SIK3: variants seen among roughly 807,000 people sequenced by gnomAD.
The protein encoded by SIK3 is SIK family kinase 3.
A neutral mutation model predicts 144.2 loss-of-function variants in SIK3; 28 were observed. That is an observed-to-expected ratio of 0.19 (90% CI 0.14 to 0.27). The LOEUF (loss-of-function observed/expected upper bound fraction) is 0.27, where lower values mean the gene tolerates loss of function less well. Among genes scored for constraint, SIK3 ranks in the 10% least tolerant of loss-of-function variants. SIK3 has a pLI of 1.00. For synonymous variants in SIK3, 686 were observed against 676.3 expected (o/e 1.01, Z -0.22); for missense variants, 1,319 against 1,776.0 (o/e 0.74, Z 4.62).
At chr11:117,075,588 CTGG>C (rs1443357033) in intron 1 of SIK3, among the ~76,000 whole-genome samples, 2 of 147,320 alleles carry the variant, frequency 1.4e-5, no homozygotes, top group East Asian at 3.9e-4. Flanking sequence ...GCTGCCCAGG[CTGG>C]AGTGCAGTGG....
chr11:117,024,222 T>C (rs981837365), intron 1 of SIK3, among the ~76,000 whole-genome samples: 7 of 152,110 alleles, frequency 4.6e-5, no homozygotes, highest in South Asian at 4.2e-4. Context: ...AAAATGTTTA[T>C]GCCTTTTCTC....
chr11:116,934,997 A>C (rs1452009065), intron 3 of SIK3, among the ~76,000 whole-genome samples: 2 of 152,198 alleles, frequency 1.3e-5, no homozygotes, highest in Admixed American at 1.3e-4. Flanking sequence ...AGGCAGGAGA[A>C]TCGCTTGAAC....
At chr11:117,088,363 G>T (rs1275786526) in intron 1 of SIK3, among the ~76,000 whole-genome samples, 1 of 152,184 alleles carries the variant, frequency 6.6e-6, no homozygotes, top group African/African-American at 2.4e-5. Flanking sequence ...TACTAGCCCA[G>T]AAAAGCTGTG....
chr11:117,048,851 C>T (rs1410218356), intron 1 of SIK3, among the ~76,000 whole-genome samples: 2 of 152,014 alleles, frequency 1.3e-5, no homozygotes, highest in Non-Finnish European at 2.9e-5. Context: ...ACCTGTAATC[C>T]CAGCACTTAG....
intron 1 of SIK3, among the ~76,000 whole-genome samples, chr11:117,011,557 T>C (rs1311926486): frequency 6.6e-6 from 1 of 152,142 alleles, no homozygotes; most frequent in South Asian, 2.1e-4. Context: ...TCTGTTGAGA[T>C]TGGTGAGATT....
intron 13 of SIK3, among the ~76,000 whole-genome samples, chr11:116,870,768 T>C (rs1236400058): frequency 6.6e-6 from 1 of 152,138 alleles, no homozygotes; most frequent in Non-Finnish European, 1.5e-5. Context: ...TCAAGTCTTC[T>C]AATGGGGGTG....
intron 1 of SIK3, among the ~76,000 whole-genome samples, chr11:117,063,399 T>C (rs898769128): frequency 6.6e-6 from 1 of 152,164 alleles, no homozygotes; most frequent in East Asian, 1.9e-4. Flanking sequence ...TCAGAACCAC[T>C]AAGTACGGCA....
intron 1 of SIK3, among the ~76,000 whole-genome samples, chr11:116,983,099 C>T (rs1211530713): frequency 1.3e-5 from 2 of 151,802 alleles, no homozygotes; most frequent in African/African-American, 2.4e-5. Flanking sequence ...TGGTGGCAGG[C>T]ACCTGTAGTC....
At chr11:116,965,929 C>T (rs1206869354) in intron 1 of SIK3, among the ~76,000 whole-genome samples, 2 of 145,544 alleles carry the variant, frequency 1.4e-5, no homozygotes, top group Non-Finnish European at 1.5e-5. Context: ...AGCAAGACTC[C>T]GTCTCAAAAA....
chr11:117,033,504 A>C (rs953112505), intron 1 of SIK3, among the ~76,000 whole-genome samples: 1 of 152,064 alleles, frequency 6.6e-6, no homozygotes, highest in African/African-American at 2.4e-5. Context: ...GATCAAGACC[A>C]TCCTGGCTAA....
At chr11:117,079,767 TA>T (rs1160623686) in intron 1 of SIK3, among the ~76,000 whole-genome samples, 1 of 151,918 alleles carries the variant, frequency 6.6e-6, no homozygotes, top group African/African-American at 2.4e-5. Context: ...AATCTGACTA[TA>T]AAAATAAAAG....
At chr11:116,902,506 A>G (rs970572073) in intron 4 of SIK3, among the ~76,000 whole-genome samples, 5 of 152,198 alleles carry the variant, frequency 3.3e-5, no homozygotes, top group African/African-American at 9.7e-5. Context: ...AATGAATGAT[A>G]TATTACAGCC....
chr11:117,052,322 G>A (rs1458690266), intron 1 of SIK3, among the ~76,000 whole-genome samples: 1 of 152,142 alleles, frequency 6.6e-6, no homozygotes, highest in Non-Finnish European at 1.5e-5. Flanking sequence ...TAATATCATA[G>A]CAGTAGGCAG....
At chr11:117,053,303 C>G (rs1424531647) in intron 1 of SIK3, among the ~76,000 whole-genome samples, 1 of 150,892 alleles carries the variant, frequency 6.6e-6, no homozygotes, top group Non-Finnish European at 1.5e-5. Context: ...TGCCACTACA[C>G]TCCAGCCTGG....
At chr11:116,955,704 G>C (rs994861902) in intron 2 of SIK3, among the ~76,000 whole-genome samples, 1 of 152,140 alleles carries the variant, frequency 6.6e-6, no homozygotes, top group Non-Finnish European at 1.5e-5. Context: ...AGACACCTGT[G>C]AGCTCACAGA....
rs557054316 is a variant in SIK3 at position 117,031,386 on chromosome 11, T to C, written c.273+66757A>G. ...TTTTCCTTTTTTTTTTTTTGTCTTATAGCTGTCCAGTTGCTCCAGCACCAT... is the reference window on the plus strand; with the variant it reads ...TTTTCCTTTTTTTTTTTTTGTCTTACAGCTGTCCAGTTGCTCCAGCACCAT... On this transcript the variant is annotated intron_variant, in intron 1 of 24. Transcript: ENST00000445177. Among the ~76,000 whole-genome samples, 135 of 151,314 alleles carry C rather than the reference T, an allele frequency of 8.9e-4. 1 individual carries two copies. Among genetic ancestry groups the C allele is most frequent in the Admixed American group, 8.0e-3 (121 of 15,196 alleles).
chr11:116,973,727 A>T (rs777469932), intron 1 of SIK3, among the ~76,000 whole-genome samples: 27 of 152,292 alleles, frequency 1.8e-4, no homozygotes, highest in Non-Finnish European at 3.8e-4. Context: ...GATGTGATGA[A>T]AATGGCGCTT....
intron 1 of SIK3, among the ~76,000 whole-genome samples, chr11:117,028,424 T>C (rs1952116036): frequency 6.6e-6 from 1 of 152,052 alleles, no homozygotes; most frequent in African/African-American, 2.4e-5. Flanking sequence ...TACAATCTAG[T>C]ATAATAGGGA....
At chr11:116,899,809 G>A (rs1945641907) in intron 4 of SIK3, among the ~76,000 whole-genome samples, 1 of 152,080 alleles carries the variant, frequency 6.6e-6, no homozygotes, top group South Asian at 2.1e-4. Flanking sequence ...TCATGCCCCA[G>A]GGACACCATG....
Sources: gnomAD v4.1 joint callset for allele counts (sites outside exome capture counted in the v4.1 genomes callset) on GRCh38, gnomAD v4.1.1 for gene constraint, MANE v1.5 for transcripts, NCBI Gene and HGNC (gene_info 2026-07-23, HGNC 2026-07-21) for gene names.